Variants in EPN1 observed in about 807,000 individuals in gnomAD.
EPN1 encodes epsin 1.
Under a neutral mutation model 56.9 loss-of-function variants are expected in EPN1, and 25 were observed. The ratio of observed to expected loss-of-function variants is 0.44; its 90% CI spans 0.32 to 0.61. The LOEUF (loss-of-function observed/expected upper bound fraction) is 0.61, where lower values mean the gene tolerates loss of function less well. EPN1 is among the 20% of genes least tolerant of loss of function. The pLI, the probability that EPN1 is intolerant of heterozygous loss-of-function variation, is 0.05. For synonymous variants in EPN1, 411 were observed against 361.8 expected (o/e 1.14, Z -1.54); for missense variants, 785 against 823.7 (o/e 0.95, Z 0.58).
At chr19:55,690,370 C>T (rs767346054) in intron 6 of EPN1, among the ~76,000 whole-genome samples, 1 of 152,256 alleles carries the variant, frequency 6.6e-6, no homozygotes, top group Non-Finnish European at 1.5e-5. Context: ...TGTTGGTGAG[C>T]GAGGAGGCAT....
rs773304062 is a variant in EPN1 at position 55,691,715 on chromosome 19, C to T, written c.763-39C>T. On this transcript the variant is annotated intron_variant, in intron 6 of 10. Coordinates refer to ENST00000270460, the MANE Select transcript of EPN1 (RefSeq NM_001130072.2). The surrounding 1 kb of genome is among the most constrained non-coding windows in gnomAD (Gnocchi z 5.6). ...CTTGGTCCCTGTCCCAGGCTTCCCA[C>T]CACTTCTTCATGCTCCTTCTCTTCT... 6 of 1,586,246 alleles carry T rather than the reference C, an allele frequency of 3.8e-6. No individual in the cohort carries two copies. The South Asian group carries it at 5.6e-5, about 15-fold the overall frequency.
Position 55,705,253 on chromosome 19 carries a change from T to C in EPN1, c.*9897T>C, listed in dbSNP as rs542011328. 2.6e-5 allele frequency: 4 copies of C among 152,236 alleles called. No homozygotes were observed. Among genetic ancestry groups the C allele is most frequent in the East Asian group, 3.8e-4 (2 of 5,200 alleles). 9.4% of individuals were successfully genotyped at this position (152,236 alleles called of 1,614,324 possible). A position where few individuals can be genotyped will look rare whatever the true frequency, so the allele number is the denominator to read the frequency against. Reference sequence around the variant, plus strand: ...CTGACTGCAGGGAGATGGGGAGATATGTTTTGTAAACCTGTCCAGGCAACT... The same window carrying C: ...CTGACTGCAGGGAGATGGGGAGATACGTTTTGTAAACCTGTCCAGGCAACT... On this transcript the variant is annotated 3_prime_UTR_variant, in exon 11 of 11. Transcript: ENST00000270460.
Position 55,708,802 on chromosome 19 carries a change from A to G in EPN1, c.*13446A>G. 1.4e-6 allele frequency: 1 copy of G among 709,798 alleles called. No individual in the cohort carries two copies. The highest frequency in any genetic ancestry group is 2.3e-6 in the Non-Finnish European group (1 of 441,508). 44.0% of individuals were successfully genotyped at this position (709,798 alleles called of 1,614,324 possible). A position where few individuals can be genotyped will look rare whatever the true frequency, so the allele number is the denominator to read the frequency against. ...AGAACACTTAGGGAGTACCTCTGAA[A>G]TCACAGCCCTGCTGCCATGATGTGC... On this transcript the variant is annotated 3_prime_UTR_variant, in exon 11 of 11. Transcript: ENST00000270460.
rs1985318350 is a variant in EPN1, at chr19:55,675,343, CCGTGGCCCGGCGCACGTCCCG to C, written c.-191_-171del. The C allele has an allele frequency of 6.6e-6, 1 of 151,712 alleles. No homozygotes were observed. Among genetic ancestry groups the C allele is most frequent in the African/African-American group, 2.4e-5 (1 of 41,380 alleles). 9.4% of individuals were successfully genotyped at this position (151,712 alleles called of 1,614,324 possible). ...GCCCTCCTTGCGTTCGTGCGTGCGC[CCGTGGCCCGGCGCACGTCCCG>C]CGACACCGAGGCCGAGCGGGGCAGG... On this transcript the variant is annotated 5_prime_UTR_variant, in exon 1 of 11. Transcript: ENST00000270460.
In EPN1 at chr19:55,676,934, C is replaced by T. The variant is rs1260042182; in HGVS notation, c.-102+1499C>T. Reference sequence around the variant, plus strand: ...CTGTCAGAACTGTCTTCTATTTCTTCTCAGTCCCCTTCTCTGCATTTGTTA... The same window carrying T: ...CTGTCAGAACTGTCTTCTATTTCTTTTCAGTCCCCTTCTCTGCATTTGTTA... On this transcript the variant is annotated intron_variant, in intron 1 of 10. Coordinates refer to ENST00000270460, the MANE Select transcript of EPN1 (RefSeq NM_001130072.2). 1.8e-5 allele frequency: 9 copies of T among 495,930 alleles called. No individual in the cohort carries two copies. The South Asian group carries it at 2.5e-4, about 14-fold the overall frequency. 30.7% of individuals were successfully genotyped at this position (495,930 alleles called of 1,614,324 possible).
rs1323034565 is a variant in EPN1 at position 55,706,280 on chromosome 19, C to CT, written c.*10926dup. On this transcript the variant is annotated 3_prime_UTR_variant, in exon 11 of 11. Transcript: ENST00000270460. ...TTTCTTCCTTTCTTCTCTTTTTCTT[C>CT]TTCTTTTTTTTTTTTTTTTAAAAGA... 3,355 of 129,268 alleles carry CT rather than the reference C, an allele frequency of 0.026. 115 individuals carry two copies. Among genetic ancestry groups the CT allele is most frequent in the African/African-American group, 0.057 (1,799 of 31,646 alleles). The allele number at this position is 129,268 out of a possible 1,614,324, so 8.0% of individuals were successfully genotyped here.
At position 55,691,101 on chromosome 19, in the gene EPN1, C is replaced by T. The variant is rs1319187935; in HGVS notation, c.763-653C>T. On this transcript the variant is annotated intron_variant, in intron 6 of 10. Transcript: ENST00000270460. This position sits in a 1 kb window ranked among gnomAD's most constrained non-coding sequence, Gnocchi z 5.6. ...ACGGGCTCTGGTTAGCTGGGCCCGTCGTGTGCCCACTTCCAGAACACAGGA... is the reference window on the plus strand; with the variant it reads ...ACGGGCTCTGGTTAGCTGGGCCCGTTGTGTGCCCACTTCCAGAACACAGGA... Among the ~76,000 whole-genome samples, 3 of 152,196 alleles carry T rather than the reference C, an allele frequency of 2.0e-5. No homozygotes were observed. The highest frequency in any genetic ancestry group is 2.1e-4 in the South Asian group (1 of 4,830).
rs200212260 is a variant in EPN1 at position 55,685,428 on chromosome 19, C to T, written c.261C>T (p.Thr87=). 1.9e-4 allele frequency: 302 copies of T among 1,610,072 alleles called. 2 individuals carry two copies. The East Asian group carries it at 5.8e-3, about 31-fold the overall frequency. ...AMTLMEYLIK[T]GSERVSQQCK... The stretch of plus-strand genomic sequence containing the variant: ...CGCTGATGGAGTACCTCATCAAGAC[C>T]GGCTCGGAGCGCGTGTCGCAGCAGT... Residue 87 remains threonine (T), a synonymous_variant, in exon 3 of 11, where the codon ACC becomes ACT. Coordinates refer to ENST00000270460, the MANE Select transcript of EPN1 (RefSeq NM_001130072.2).
chr19:55,682,959 A>C (rs35930019), intron 2 of EPN1, among the ~76,000 whole-genome samples: 5 of 150,118 alleles, frequency 3.3e-5, no homozygotes, highest in South Asian at 2.1e-4. Context: ...GTTTCACCAT[A>C]TTGGCCAGGC....
At chr19:55,685,270 C>T (rs1986088469) in intron 2 of EPN1, 126 bp from the exon 3 acceptor site, 1 of 1,199,968 alleles carries the variant, frequency 8.3e-7, no homozygotes, top group South Asian at 1.4e-5. Flanking sequence ...TGTGTGTCCA[C>T]CCACTGGCGA....
chr19:55,675,862 C>T (rs1198416183), intron 1 of EPN1, among the ~76,000 whole-genome samples: 3 of 152,136 alleles, frequency 2.0e-5, no homozygotes, highest in Non-Finnish European at 4.4e-5. Context: ...AATCTTACCC[C>T]CGCCCCGTCT....
chr19:55,689,314 C>T lies in EPN1; in HGVS notation c.621C>T (p.Pro207=), dbSNP rs768865977. 54 of 1,549,468 alleles carry T rather than the reference C, an allele frequency of 3.5e-5. 1 individual carries two copies. Among genetic ancestry groups the T allele is most frequent in the African/African-American group, 1.7e-4 (12 of 72,478 alleles). Residue 207 remains proline (P), a synonymous_variant, in exon 5 of 11, where the codon CCC becomes CCT. Coordinates refer to ENST00000270460, the MANE Select transcript of EPN1 (RefSeq NM_001130072.2). This position sits in a 1 kb window ranked among gnomAD's most constrained non-coding sequence, Gnocchi z 5.7. ...TCCCCCAGCCCCCGTCCTGCGGCCC[C>T]GAGGACGACGCCCAGCTCCAGCTGG... is the stretch of plus-strand genomic sequence containing the variant. ...EEADQPPSCG[P]EDDAQLQLAL...
rs1363654608 is a variant in EPN1 at position 55,695,461 on chromosome 19, C to T, written c.*105C>T. 5 of 645,746 alleles carry T rather than the reference C, an allele frequency of 7.7e-6. No individual in the cohort carries two copies. The highest frequency in any genetic ancestry group is 4.2e-4 in the Middle Eastern group (1 of 2,390). The allele number at this position is 645,746 out of a possible 1,614,324, so 40.0% of individuals were successfully genotyped here. ...AAATGGGGGATCCCCACCCCCAGTG[C>T]CCTTCCCCTTCCTGGGGCCCACTCA... On this transcript the variant is annotated 3_prime_UTR_variant, in exon 11 of 11. Coordinates refer to ENST00000270460, the MANE Select transcript of EPN1 (RefSeq NM_001130072.2). The surrounding 1 kb of genome is among the most constrained non-coding windows in gnomAD (Gnocchi z 4.4).
At chr19:55,677,415 G>A (rs1172362444) in intron 1 of EPN1, 10 of 662,010 alleles carry the variant, frequency 1.5e-5, no homozygotes, top group Admixed American at 8.1e-5. Context: ...CTTGTTTCTC[G>A]TCACCAGTCT....
intron 2 of EPN1, among the ~76,000 whole-genome samples, chr19:55,683,449 C>T (rs1985961584): frequency 6.6e-6 from 1 of 151,062 alleles, no homozygotes; most frequent in African/African-American, 2.4e-5. Flanking sequence ...CCTCCCTGAT[C>T]CACGGGATCC....
intron 7 of EPN1, 62 bp from the exon 8 acceptor site, chr19:55,692,624 C>A: frequency 8.8e-7 from 1 of 1,130,592 alleles, no homozygotes; most frequent in Non-Finnish European, 1.2e-6. Flanking sequence ...AGGCAATGGT[C>A]CTCCCTAGCC....
At position 55,691,143 on chromosome 19, in the gene EPN1, G is replaced by A. The variant is rs1344802068; in HGVS notation, c.763-611G>A. On this transcript the variant is annotated intron_variant, in intron 6 of 10. Coordinates refer to ENST00000270460, the MANE Select transcript of EPN1 (RefSeq NM_001130072.2). The surrounding 1 kb of genome is among the most constrained non-coding windows in gnomAD (Gnocchi z 5.6). ...AACACAGGACCATGCATGCGTGTGCGTGCGGCATGGGAAGACCTGCAGTGC... is the reference window on the plus strand; with the variant it reads ...AACACAGGACCATGCATGCGTGTGCATGCGGCATGGGAAGACCTGCAGTGC... 6.6e-6 allele frequency among the ~76,000 whole-genome samples: 1 copy of A among 152,194 alleles called. No individual in the cohort carries two copies. Among genetic ancestry groups the A allele is most frequent in the Admixed American group, 6.5e-5 (1 of 15,286 alleles).
At position 55,692,705 on chromosome 19, in the gene EPN1, G is replaced by T. The variant is rs1466265940; in HGVS notation, c.1086G>T (p.Gly362=). The T allele has an allele frequency of 6.4e-7, 1 of 1,551,362 alleles. No individual in the cohort carries two copies. The highest frequency in any genetic ancestry group is 1.4e-5 in the African/African-American group (1 of 73,364). ...GSSDGGVPVS[G]PSASDPWTPA... Reference sequence around the variant, plus strand: ...ACCCAGGTGGGGTCCCGGTCAGTGGGCCCTCAGCCTCCGATCCCTGGACAC... The same window carrying T: ...ACCCAGGTGGGGTCCCGGTCAGTGGTCCCTCAGCCTCCGATCCCTGGACAC... The change falls in exon 8 of 11, where the codon GGG becomes GGT. Residue 362 remains glycine, a synonymous_variant. Coordinates refer to ENST00000270460, the MANE Select transcript of EPN1 (RefSeq NM_001130072.2).
rs1052422325 is a variant in EPN1 at position 55,697,077 on chromosome 19, C to T, written c.*1721C>T. 4 of 152,198 alleles carry T rather than the reference C, an allele frequency of 2.6e-5. No homozygotes were observed. The highest frequency in any genetic ancestry group is 9.7e-5 in the African/African-American group (4 of 41,448). 9.4% of individuals were successfully genotyped at this position (152,198 alleles called of 1,614,324 possible). ...TGCTTAGCCAGGGAGGGGAAGCCCT[C>T]TTCTCACACCCGGCCTGGGTATGTT... On this transcript the variant is annotated 3_prime_UTR_variant, in exon 11 of 11. Coordinates refer to ENST00000270460, the MANE Select transcript of EPN1 (RefSeq NM_001130072.2).
Sources: gnomAD v4.1 joint callset for allele counts (sites outside exome capture counted in the v4.1 genomes callset) on GRCh38, gnomAD v4.1.1 for gene constraint, Gnocchi (gnomAD v3.1) non-coding constraint, MANE v1.5 for transcripts, NCBI Gene and HGNC (gene_info 2026-07-23, HGNC 2026-07-21) for gene names.